Variants in KCNQ1 observed in about 807,000 individuals in gnomAD.
KCNQ1 encodes the protein potassium voltage-gated channel subfamily KQT member 1.
A neutral mutation model predicts 72.4 loss-of-function variants in KCNQ1; 49 were observed. The ratio of observed to expected loss-of-function variants is 0.68; its 90% confidence interval spans 0.54 to 0.86. KCNQ1 has a LOEUF of 0.86. KCNQ1 is among the 40% of genes least tolerant of loss of function. The pLI is 0.00. For missense variants in KCNQ1, 790 were observed against 945.1 expected, an observed-to-expected ratio of 0.84 and a Z score of 2.15; for synonymous variants, 450 against 412.6, an observed-to-expected ratio of 1.09 and a Z score of -1.10.
rs1178523767 is a variant in KCNQ1 at position 2,550,411 on chromosome 11, C to T, written c.478-20217C>T. Among the ~76,000 whole-genome samples, 2 of 152,190 alleles carry T rather than the reference C, an allele frequency of 1.3e-5. No homozygotes were observed. The highest frequency in any genetic ancestry group is 4.8e-5 in the African/African-American group (2 of 41,452). ...GCATAGGTAGAAGGTGGGAGAAGCC[C>T]ACGTTCTGGGAGCGTCGCAGTGGCC... On this transcript the variant is annotated intron_variant, in intron 2 of 15. Transcript: ENST00000155840. The surrounding 1 kb of genome is among the most constrained non-coding windows in gnomAD (Gnocchi z 6.0).
At chr11:2,733,814 A>ACACACACACTCTCTCTCTCT in intron 11 of KCNQ1, among the ~76,000 whole-genome samples, 1 of 86,612 alleles carries the variant, frequency 1.2e-5, no homozygotes, top group South Asian at 3.8e-4. Context: ...ACACACACAC[A>ACACACACACTCTCTCTCTCT]CTCTCTCACT....
intron 8 of KCNQ1, among the ~76,000 whole-genome samples, chr11:2,586,334 G>T (rs983902416): frequency 6.6e-6 from 1 of 152,244 alleles, no homozygotes. Flanking sequence ...CAGCCATCGG[G>T]GGGGCTGTGT....
rs905307728 is a variant in KCNQ1 at position 2,712,966 on chromosome 11, G to A, written c.1514+50885G>A. Among the ~76,000 whole-genome samples the A allele has an allele frequency of 6.6e-6, 1 of 152,158 alleles. No individual in the cohort carries two copies. The highest frequency in any genetic ancestry group is 1.5e-5 in the Non-Finnish European group (1 of 68,030). ...ACACCCGGGTTGTAAACAGGGTGGGGCAGGGGTCCTGGTAAGTATGAGGAA... is the reference window on the plus strand; with the variant it reads ...ACACCCGGGTTGTAAACAGGGTGGGACAGGGGTCCTGGTAAGTATGAGGAA... On this transcript the variant is annotated intron_variant, in intron 11 of 15. Coordinates refer to ENST00000155840, the MANE Select transcript of KCNQ1 (RefSeq NM_000218.3). The surrounding 1 kb of genome is among the most constrained non-coding windows in gnomAD (Gnocchi z 6.4).
At position 2,620,199 on chromosome 11, in the gene KCNQ1, G is replaced by GTA. The variant is rs140322945; in HGVS notation, c.1393+31357_1393+31358dup. On this transcript the variant is annotated intron_variant, in intron 10 of 15. Coordinates refer to ENST00000155840, the MANE Select transcript of KCNQ1 (RefSeq NM_000218.3). This position sits in a 1 kb window ranked among gnomAD's most constrained non-coding sequence, Gnocchi z 4.5. ...CTGCAAAGGACGTAAGTTCATTCAT[G>GTA]TATATATATATATTTTTTTTTTTTA... The GTA allele has an allele frequency of 1.0e-3, 305 of 295,018 alleles. 1 individual carries two copies. The highest frequency in any genetic ancestry group is 7.2e-3 in the African/African-American group (222 of 30,680). The allele number at this position is 295,018 out of a possible 1,614,324, so 18.3% of individuals were successfully genotyped here.
rs564878734 is a variant in KCNQ1, at chr11:2,471,818, G to C, written c.386+26334G>C. On this transcript the variant is annotated intron_variant, in intron 1 of 15. Transcript: ENST00000155840. This position sits in a 1 kb window ranked among gnomAD's most constrained non-coding sequence, Gnocchi z 4.8. Reference sequence around the variant, plus strand: ...CATGTGTATATAGGTGTGTGTGCACGTGTATGGGTGCGTGTGCACCTATGT... The same window carrying C: ...CATGTGTATATAGGTGTGTGTGCACCTGTATGGGTGCGTGTGCACCTATGT... Among the ~76,000 whole-genome samples, 101 of 149,962 alleles carry C rather than the reference G, an allele frequency of 6.7e-4. No individual in the cohort carries two copies. Among genetic ancestry groups the C allele is most frequent in the African/African-American group, 2.4e-3 (96 of 40,664 alleles).
In KCNQ1 at chr11:2,552,101, A is replaced by G. The variant is rs562815564; in HGVS notation, c.478-18527A>G. Among the ~76,000 whole-genome samples the G allele has an allele frequency of 2.0e-3, 303 of 151,736 alleles. 1 individual carries two copies. Among genetic ancestry groups the G allele is most frequent in the African/African-American group, 7.0e-3 (289 of 41,370 alleles). Reference sequence around the variant, plus strand: ...GCAGTTTTTAATTTTGATGAAGTTCAATTCATCAGGGTTCTTCTTTTTTTT... The same window carrying G: ...GCAGTTTTTAATTTTGATGAAGTTCGATTCATCAGGGTTCTTCTTTTTTTT... On this transcript the variant is annotated intron_variant, in intron 2 of 15. Coordinates refer to ENST00000155840, the MANE Select transcript of KCNQ1 (RefSeq NM_000218.3).
At chr11:2,522,541 G>A (rs1443518434) in intron 1 of KCNQ1, among the ~76,000 whole-genome samples, 5 of 152,212 alleles carry the variant, frequency 3.3e-5, no homozygotes, top group South Asian at 2.1e-4. Flanking sequence ...TCCCAGCTCC[G>A]CCCGAGACAA....
intron 15 of KCNQ1, among the ~76,000 whole-genome samples, chr11:2,838,066 C>T (rs183026436): frequency 3.3e-5 from 5 of 152,340 alleles, no homozygotes; most frequent in Admixed American, 6.5e-5. Context: ...AGCCCAGAAA[C>T]GTCCCGTCCC....
At chr11:2,614,698 AT>A in intron 10 of KCNQ1, 1 of 398,426 alleles carries the variant, frequency 2.5e-6, no homozygotes, top group Non-Finnish European at 4.4e-6. Flanking sequence ...GTGAGTGTTT[AT>A]TTCTACATTC....
In KCNQ1 at chr11:2,767,981, C is replaced by T. The variant is rs1846527398; in HGVS notation, c.1515-863C>T. On this transcript the variant is annotated intron_variant, in intron 11 of 15. Transcript: ENST00000155840. The surrounding 1 kb of genome is among the most constrained non-coding windows in gnomAD (Gnocchi z 4.6). ...CAGTGCTCCCCAAACTGACAAGTGCCCTGAGGAGGAAACGCTCGGATGCAG... is the reference window on the plus strand; with the variant it reads ...CAGTGCTCCCCAAACTGACAAGTGCTCTGAGGAGGAAACGCTCGGATGCAG... Among the ~76,000 whole-genome samples, 1 of 152,198 alleles carries T rather than the reference C, an allele frequency of 6.6e-6. No homozygotes were observed.
At chr11:2,531,151 G>C (rs1847619051) in intron 2 of KCNQ1, among the ~76,000 whole-genome samples, 2 of 152,076 alleles carry the variant, frequency 1.3e-5, no homozygotes, top group African/African-American at 2.4e-5. Flanking sequence ...ACCCAGGCTG[G>C]ACCTGCAGGG....
intron 10 of KCNQ1, chr11:2,614,578 A>G (rs1849030647): frequency 2.5e-6 from 1 of 398,386 alleles, no homozygotes; most frequent in Non-Finnish European, 4.4e-6. Flanking sequence ...TATGGGTCCA[A>G]CTTCATTCTT....
At chr11:2,812,456 C>A (rs1171752816) in intron 15 of KCNQ1, among the ~76,000 whole-genome samples, 1 of 152,200 alleles carries the variant, frequency 6.6e-6, no homozygotes, top group Non-Finnish European at 1.5e-5. Context: ...ACAGCCTGCC[C>A]GGCCGGCTCT....
Position 2,572,937 on chromosome 11 carries a change from C to A in KCNQ1, c.872C>A (p.Ser291Ter). The change falls in exon 6 of 16, where the codon TCA (serine) becomes TAA (stop). Residue 291 changes from serine to a stop codon, truncating the protein, a stop_gained. Transcript: ENST00000155840. LOFTEE classifies it high-confidence loss of function. ...GCTGAGAAGGACGCGGTGAACGAGT[C>A]AGGCCGCGTGGAGTTCGGCAGCTAC... ...YLAEKDAVNESGRVEFGSYAD... is the reference protein window; with the variant it reads ...YLAEKDAVNE The A allele has an allele frequency of 6.2e-7, 1 of 1,613,814 alleles. No homozygotes were observed. Among genetic ancestry groups the A allele is most frequent in the Non-Finnish European group, 8.5e-7 (1 of 1,180,008 alleles).
At chr11:2,503,673 T>C (rs1013396747) in intron 1 of KCNQ1, among the ~76,000 whole-genome samples, 4 of 151,642 alleles carry the variant, frequency 2.6e-5, no homozygotes, top group Admixed American at 2.6e-4. Context: ...ACATGTACCC[T>C]AAAACTTAAA....
rs572475899 is a variant in KCNQ1, at chr11:2,743,478, G to A, written c.1515-25366G>A. 4.6e-5 allele frequency among the ~76,000 whole-genome samples: 7 copies of A among 152,298 alleles called. 1 individual carries two copies. In the South Asian group the frequency reaches 1.0e-3, roughly 23 times the overall value. ...GGCCCAAGATGTCAGTTTGCCTGCC[G>A]GCTGTTGCTCTGACTGTGGCCTCCC... is the stretch of plus-strand genomic sequence containing the variant. On this transcript the variant is annotated intron_variant, in intron 11 of 15. Transcript: ENST00000155840.
rs1040689964 is a variant in KCNQ1, at chr11:2,803,843, T to C, written c.1794+25806T>C. ...CCTGCTATGCCCATGGACCCCAGGG[T>C]CAGCTTTTATGCACACTCAGGTACT... On this transcript the variant is annotated intron_variant, in intron 15 of 15. Transcript: ENST00000155840. The surrounding 1 kb of genome is among the most constrained non-coding windows in gnomAD (Gnocchi z 6.4). Among the ~76,000 whole-genome samples, 1 of 151,626 alleles carries C rather than the reference T, an allele frequency of 6.6e-6. No homozygotes were observed. Among genetic ancestry groups the C allele is most frequent in the Admixed American group, 6.6e-5 (1 of 15,238 alleles).
intron 11 of KCNQ1, among the ~76,000 whole-genome samples, chr11:2,740,523 T>C (rs916934129): frequency 6.6e-6 from 1 of 152,066 alleles, no homozygotes; most frequent in Admixed American, 6.5e-5. Flanking sequence ...AGGCCCCGAA[T>C]GTGAGCGGGT....
Position 2,516,980 on chromosome 11 carries a change from G to A in KCNQ1, c.387-10948G>A, listed in dbSNP as rs1480437280. 1.3e-5 allele frequency among the ~76,000 whole-genome samples: 2 copies of A among 152,140 alleles called. No individual in the cohort carries two copies. The highest frequency in any genetic ancestry group is 4.8e-5 in the African/African-American group (2 of 41,412). On this transcript the variant is annotated intron_variant, in intron 1 of 15. Transcript: ENST00000155840. This position sits in a 1 kb window ranked among gnomAD's most constrained non-coding sequence, Gnocchi z 7.0. ...TCTAGGGCCTCTGAAGGGCTTTGAC[G>A]TGACACTCGGGATGGCATGGCAGGG...
Sources: gnomAD v4.1 joint callset for allele counts (sites outside exome capture counted in the v4.1 genomes callset) on GRCh38, gnomAD v4.1.1 for gene constraint, Gnocchi (gnomAD v3.1) non-coding constraint, MANE v1.5 for transcripts, NCBI Gene and HGNC (gene_info 2026-07-23, HGNC 2026-07-21) for gene names.